CDKN3: variants seen among roughly 807,000 people sequenced by gnomAD.
CDKN3 encodes the protein cyclin-dependent kinase inhibitor 3.
CDKN3 carries 19 observed loss-of-function variants against 36.1 expected under a neutral mutation model. The ratio of observed to expected loss-of-function variants is 0.53; its 90% CI spans 0.37 to 0.77. CDKN3 has a LOEUF of 0.77. CDKN3 is among the 30% of genes least tolerant of loss of function. CDKN3 has a pLI of 0.00. For missense variants in CDKN3, 188 were observed against 248.6 expected, an observed-to-expected ratio of 0.76 and a Z score of 1.64; for synonymous variants, 71 against 85.3, an observed-to-expected ratio of 0.83 and a Z score of 0.92.
intron 1 of CDKN3, among the ~76,000 whole-genome samples, chr14:54,399,524 G>A (rs1294095136): frequency 1.3e-5 from 2 of 152,200 alleles, no homozygotes; most frequent in Non-Finnish European, 2.9e-5. Context: ...TCCAGTGCTT[G>A]GCAAATGAAG....
intron 3 of CDKN3, among the ~76,000 whole-genome samples, chr14:54,403,115 C>T (rs990604805): frequency 2.6e-5 from 4 of 152,136 alleles, no homozygotes; most frequent in African/African-American, 9.7e-5. Context: ...ATGGGGATAG[C>T]ATTGAATCTA....
rs4251613 is a variant in CDKN3 at position 54,401,500 on chromosome 14, A to T, written c.93-24A>T. 8.7e-4 allele frequency: 1,375 copies of T among 1,576,276 alleles called. 9 individuals are homozygous for T. In the Middle Eastern group the frequency reaches 0.019, roughly 21 times the overall value. On this transcript the variant is annotated intron_variant, in intron 2 of 7. Coordinates refer to ENST00000335183, the MANE Select transcript of CDKN3 (RefSeq NM_005192.4). ...TAACTTTTTAAAAACTTAACTAAACATGAAAAATTTTTCTTCTTTTCAGGC... is the reference window on the plus strand; with the variant it reads ...TAACTTTTTAAAAACTTAACTAAACTTGAAAAATTTTTCTTCTTTTCAGGC...
intron 5 of CDKN3, among the ~76,000 whole-genome samples, chr14:54,415,420 G>C (rs951855996): frequency 2.0e-5 from 3 of 152,226 alleles, no homozygotes; most frequent in Non-Finnish European, 4.4e-5. Flanking sequence ...CTAATAAGTG[G>C]CAGAGCCAGG....
chr14:54,420,097 T>A lies in CDKN3; in HGVS notation c.*19T>A, dbSNP rs780651123. 9.7e-6 allele frequency: 13 copies of A among 1,346,678 alleles called. No homozygotes were observed. Among genetic ancestry groups the A allele is most frequent in the Non-Finnish European group, 1.4e-5 (13 of 940,254 alleles). The allele number at this position is 1,346,678 out of a possible 1,614,324, so 83.4% of individuals were successfully genotyped here. On this transcript the variant is annotated 3_prime_UTR_variant, in exon 8 of 8. Coordinates refer to ENST00000335183, the MANE Select transcript of CDKN3 (RefSeq NM_005192.4). ...AAGATAAAGGAATTCAAATAGCATA[T>A]ATATGACCATGTCTGAAATGTCAGT...
At chr14:54,405,787 ATCC>A (rs1157549285) in intron 3 of CDKN3, among the ~76,000 whole-genome samples, 100 of 152,230 alleles carry the variant, frequency 6.6e-4, no homozygotes, top group Admixed American at 1.6e-3. Context: ...TCTTGACTCT[ATCC>A]AATTTGCCAG....
chr14:54,406,958 T>G (rs530016324), intron 3 of CDKN3, among the ~76,000 whole-genome samples: 1 of 152,296 alleles, frequency 6.6e-6, no homozygotes, highest in South Asian at 2.1e-4. Context: ...TTGCTCTGGT[T>G]TTTCCTCATC....
At chr14:54,399,359 G>T (rs8014692) in intron 1 of CDKN3, among the ~76,000 whole-genome samples, 58,404 of 151,918 alleles carry the variant, frequency 0.38, 13,030 homozygotes, top group Non-Finnish European at 0.5. Flanking sequence ...GCCTTCTCCA[G>T]CTACCTACGT....
At chr14:54,410,682 A>T (rs978066212) in intron 4 of CDKN3, among the ~76,000 whole-genome samples, 3 of 152,206 alleles carry the variant, frequency 2.0e-5, no homozygotes, top group African/African-American at 7.2e-5. Context: ...CACCATGGCC[A>T]TGCTGGAGAT....
At chr14:54,397,831 A>G (rs575682615) in intron 1 of CDKN3, among the ~76,000 whole-genome samples, 1 of 152,334 alleles carries the variant, frequency 6.6e-6, no homozygotes, top group Non-Finnish European at 1.5e-5. Context: ...GAGCCAAAGC[A>G]ACAGAAATCC....
chr14:54,416,853 C>T (rs1277104309), intron 6 of CDKN3, among the ~76,000 whole-genome samples: 1 of 152,078 alleles, frequency 6.6e-6, no homozygotes, highest in Non-Finnish European at 1.5e-5. Context: ...AACAACATAA[C>T]TGAAAAATGG....
intron 3 of CDKN3, among the ~76,000 whole-genome samples, chr14:54,406,239 A>T (rs1045381379): frequency 1.3e-5 from 2 of 152,224 alleles, no homozygotes; most frequent in African/African-American, 4.8e-5. Flanking sequence ...TTTTGTGGGT[A>T]ACCCAGCCTT....
chr14:54,397,116 C>A, intron 1 of CDKN3, 39 bp downstream of exon 1: 1 of 1,472,240 alleles, frequency 6.8e-7, no homozygotes, highest in Middle Eastern at 1.8e-4. Flanking sequence ...AGCGAGGCGG[C>A]AGGGACGCAA....
chr14:54,399,683 CA>C lies in CDKN3; in HGVS notation c.10-209del, dbSNP rs1886418993. Among the ~76,000 whole-genome samples the C allele has an allele frequency of 4.6e-5, 7 of 152,244 alleles. No homozygotes were observed. In the South Asian group the frequency reaches 1.5e-3, roughly 32 times the overall value. ...AAGCCAGATTTCTTGGTTCCCAATC[CA>C]ACTCTCTTTCCACTATGCAGTGCTA... On this transcript the variant is annotated intron_variant, in intron 1 of 7. Coordinates refer to ENST00000335183, the MANE Select transcript of CDKN3 (RefSeq NM_005192.4).
intron 2 of CDKN3, among the ~76,000 whole-genome samples, chr14:54,400,371 A>G (rs2139965905): frequency 6.6e-6 from 1 of 152,222 alleles, no homozygotes; most frequent in African/African-American, 2.4e-5. Context: ...AAAGAATAAT[A>G]TACCAAATAT....
chr14:54,411,176 CAA>C (rs376186329), intron 4 of CDKN3: 3,669 of 122,858 alleles, frequency 0.03, no homozygotes, highest in South Asian at 0.082. Flanking sequence ...GACTCCATCT[CAA>C]AAAAAAAAAA....
At chr14:54,408,531 G>A in intron 3 of CDKN3, 1 of 524,568 alleles carries the variant, frequency 1.9e-6, no homozygotes, top group African/African-American at 2.0e-5. Context: ...ACTTGTTACA[G>A]AAGAAACACA....
At chr14:54,409,104 A>C (rs1386713255) in intron 4 of CDKN3, among the ~76,000 whole-genome samples, 1 of 152,138 alleles carries the variant, frequency 6.6e-6, no homozygotes, top group Non-Finnish European at 1.5e-5. Flanking sequence ...TGCTCCCCCC[A>C]GGTCTTTACT....
chr14:54,417,036 G>A (rs2139989058), intron 6 of CDKN3, among the ~76,000 whole-genome samples: 1 of 152,284 alleles, frequency 6.6e-6, no homozygotes. Flanking sequence ...AACAAGTATT[G>A]GCAAGGATGT....
chr14:54,401,007 C>T (rs1043982737), intron 2 of CDKN3, among the ~76,000 whole-genome samples: 2 of 152,136 alleles, frequency 1.3e-5, no homozygotes, highest in African/African-American at 2.4e-5. Context: ...AGTCATTTTC[C>T]AATTCATTTT....
Sources: allele counts gnomAD v4.1 joint callset (sites outside exome capture counted in the v4.1 genomes callset), GRCh38; gene constraint gnomAD v4.1.1; transcripts MANE v1.5; gene names NCBI Gene and HGNC (gene_info 2026-07-23, HGNC 2026-07-21).